ITGBL1: variants seen among roughly 807,000 people sequenced by gnomAD.
ITGBL1 encodes integrin beta-like protein 1.
Under a neutral mutation model 68.5 loss-of-function variants are expected in ITGBL1, and 51 were observed. The ratio of observed to expected loss-of-function variants is 0.74; its 90% confidence interval spans 0.59 to 0.94. ITGBL1 has a LOEUF of 0.94. Among genes scored for constraint, ITGBL1 ranks in the 40% least tolerant of loss-of-function variants. The pLI is 0.00. For missense variants in ITGBL1, 649 were observed against 647.4 expected, an observed-to-expected ratio of 1.00 and a Z score of -0.03; for synonymous variants, 209 against 227.3, an observed-to-expected ratio of 0.92 and a Z score of 0.72.
chr13:101,454,016 G>A lies in ITGBL1; in HGVS notation c.232G>A (p.Val78Met), dbSNP rs754422605. ...CGACTGCGGCGTCTGCATCTGCCAC[G>A]TGACTGAGCCGGGCATGTTCTTCGG... ...RCDCGVCICH[V>M]TEPGMFFGPL... The change falls in exon 2 of 11, where the codon GTG (valine) becomes ATG (methionine). Residue 78 changes from valine to methionine, a missense_variant. By Grantham distance (21) the Val-to-Met change is conservative. Transcript: ENST00000376180. The A allele has an allele frequency of 1.2e-5, 19 of 1,581,184 alleles. No homozygotes were observed. The highest frequency in any genetic ancestry group is 1.7e-4 in the Middle Eastern group (1 of 6,004).
rs2048184729 is a variant in ITGBL1, at chr13:101,452,924, T to C, written c.91T>C (p.Ser31Pro). ...AGCTGTTCCTCAAAGCTTCTCGCCATCTCTGAGGTAAGTTTGGTTTGTTAT... is the reference window on the plus strand; with the variant it reads ...AGCTGTTCCTCAAAGCTTCTCGCCACCTCTGAGGTAAGTTTGGTTTGTTAT... Reference protein sequence around the residue: ...LSAVPQSFSPSLRSWPGAACR... With the variant: ...LSAVPQSFSPPLRSWPGAACR... The change falls in exon 1 of 11, where the codon TCT becomes CCT. Residue 31 changes from serine (S) to proline (P), a missense_variant. By Grantham distance (74) the Ser-to-Pro change is moderately conservative. Transcript: ENST00000376180. 1 of 1,613,980 alleles carries C rather than the reference T, an allele frequency of 6.2e-7. No individual in the cohort carries two copies. The highest frequency in any genetic ancestry group is 2.2e-5 in the East Asian group (1 of 44,872).
chr13:101,684,828 A>G (rs2033719901), intron 7 of ITGBL1, among the ~76,000 whole-genome samples: 1 of 151,994 alleles, frequency 6.6e-6, no homozygotes, highest in African/African-American at 2.4e-5. Context: ...AATTATTATT[A>G]TTAAGTGCAT....
At chr13:101,706,684 C>A (rs2034270759) in intron 8 of ITGBL1, 72 bp from the exon 9 acceptor site, 1 of 1,481,226 alleles carries the variant, frequency 6.8e-7, no homozygotes, top group Admixed American at 1.9e-5. Flanking sequence ...TTACACATTT[C>A]TTTCTTAAAA....
chr13:101,555,648 T>A (rs2049992446), intron 2 of ITGBL1, among the ~76,000 whole-genome samples: 1 of 149,494 alleles, frequency 6.7e-6, no homozygotes, highest in Non-Finnish European at 1.5e-5. Context: ...TATCTACATA[T>A]ATGTATGTGT....
chr13:101,633,976 T>C (rs190364684), intron 7 of ITGBL1, among the ~76,000 whole-genome samples: 31 of 151,588 alleles, frequency 2.0e-4, no homozygotes, highest in Admixed American at 1.5e-3. Flanking sequence ...TGTGGTGTGA[T>C]GATGCATAAA....
At chr13:101,671,759 A>C (rs2033383197) in intron 7 of ITGBL1, among the ~76,000 whole-genome samples, 1 of 152,178 alleles carries the variant, frequency 6.6e-6, no homozygotes, top group Non-Finnish European at 1.5e-5. Flanking sequence ...TTTGTAAACT[A>C]AAGTGGAAAA....
chr13:101,716,843 C>T (rs1479379017), downstream of ITGBL1: 2 of 150,358 alleles, frequency 1.3e-5, no homozygotes, highest in Non-Finnish European at 1.5e-5. Flanking sequence ...CAAATATTCA[C>T]TCAGTGATAG....
intron 2 of ITGBL1, among the ~76,000 whole-genome samples, chr13:101,515,170 C>T (rs1352563768): frequency 6.6e-6 from 1 of 152,022 alleles, no homozygotes; most frequent in East Asian, 1.9e-4. Flanking sequence ...ACTTATAATA[C>T]TTAATTGGTG....
chr13:101,615,704 T>C (rs2031323142), intron 7 of ITGBL1, among the ~76,000 whole-genome samples: 1 of 151,986 alleles, frequency 6.6e-6, no homozygotes, highest in Admixed American at 6.6e-5. Context: ...TGGGAGGATT[T>C]CTTGAGCCCA....
At chr13:101,614,149 T>C (rs981209473) in intron 7 of ITGBL1, among the ~76,000 whole-genome samples, 1 of 152,102 alleles carries the variant, frequency 6.6e-6, no homozygotes, top group African/African-American at 2.4e-5. Context: ...ACCGGCAGCA[T>C]ACAGGACAAT....
intron 7 of ITGBL1, among the ~76,000 whole-genome samples, chr13:101,606,397 C>T (rs1049099456): frequency 6.6e-6 from 1 of 151,302 alleles, no homozygotes; most frequent in Non-Finnish European, 1.5e-5. Flanking sequence ...AGATGTAGCT[C>T]ATATAGCCAT....
downstream of ITGBL1, chr13:101,718,057 T>A (rs2034792193): frequency 6.6e-6 from 1 of 152,184 alleles, no homozygotes; most frequent in African/African-American, 2.4e-5. Flanking sequence ...TCTAAAATTT[T>A]GGACAAAGAT....
rs1057148686 is a variant in ITGBL1 at position 101,709,684 on chromosome 13, A to T, written c.1279+2782A>T. Among the ~76,000 whole-genome samples the T allele has an allele frequency of 4.6e-5, 7 of 152,322 alleles. No individual in the cohort carries two copies. The East Asian group carries it at 1.3e-3, about 29-fold the overall frequency. On this transcript the variant is annotated intron_variant, in intron 9 of 10. Transcript: ENST00000376180. ...AGATACCCATACATATTAAAACACT[A>T]GTGTGCTTATTTATATTTGTTTATT...
chr13:101,488,185 A>T (rs1594841091), intron 2 of ITGBL1, among the ~76,000 whole-genome samples: 2 of 152,226 alleles, frequency 1.3e-5, no homozygotes, highest in East Asian at 3.8e-4. Flanking sequence ...TTGACATTTG[A>T]GGGAGTATAC....
At chr13:101,496,987 A>T (rs2139074620) in intron 2 of ITGBL1, among the ~76,000 whole-genome samples, 1 of 152,264 alleles carries the variant, frequency 6.6e-6, no homozygotes, top group Admixed American at 6.5e-5. Context: ...AGTAAAGGGG[A>T]TGTCAAGGAG....
chr13:101,640,347 AG>A, intron 7 of ITGBL1, among the ~76,000 whole-genome samples: 1 of 152,326 alleles, frequency 6.6e-6, no homozygotes, highest in South Asian at 2.1e-4. Flanking sequence ...AAAATAAGGC[AG>A]TCTGTTTGAC....
chr13:101,718,712 C>T (rs2034813616), downstream of ITGBL1: 1 of 151,914 alleles, frequency 6.6e-6, no homozygotes, highest in Non-Finnish European at 1.5e-5. Context: ...AAAGTACCGC[C>T]CTCCACTACC....
intron 7 of ITGBL1, among the ~76,000 whole-genome samples, chr13:101,629,924 G>A (rs1229988479): frequency 6.6e-6 from 1 of 152,154 alleles, no homozygotes; most frequent in Admixed American, 6.5e-5. Flanking sequence ...CAAGGTTCAA[G>A]CAATTCTCCT....
At chr13:101,577,273 A>C (rs2050378604) in intron 4 of ITGBL1, among the ~76,000 whole-genome samples, 1 of 152,210 alleles carries the variant, frequency 6.6e-6, no homozygotes, top group Non-Finnish European at 1.5e-5. Context: ...TCCACAGTTC[A>C]TCAGTGAAGT....
Sources: gnomAD v4.1 joint callset for allele counts (sites outside exome capture counted in the v4.1 genomes callset) on GRCh38, gnomAD v4.1.1 for gene constraint, MANE v1.5 for transcripts, NCBI Gene and HGNC (gene_info 2026-07-23, HGNC 2026-07-21) for gene names.